The following SPATA9 variants were observed in gnomAD, a reference collection of about 807,000 sequenced individuals.
SPATA9 encodes spermatogenesis associated 9, also known as spermatogenesis-associated protein 9.
A neutral mutation model predicts 25.5 loss-of-function variants in SPATA9; 27 were observed. That is an observed-to-expected ratio of 1.06 (90% CI 0.78 to 1.46). SPATA9 has a LOEUF of 1.46. SPATA9 is among the 40% of genes most tolerant of loss of function. The pLI, the probability that SPATA9 is intolerant of heterozygous loss-of-function variation, is 0.00. For synonymous variants in SPATA9, 102 were observed against 105.7 expected (o/e 0.97, Z 0.21); for missense variants, 282 against 297.5 (o/e 0.95, Z 0.38).
At chr5:95,730,879 G>A in the SPATA9 span, 3 of 455,872 alleles carry the variant, frequency 6.6e-6, no homozygotes, top group Non-Finnish European at 1.3e-5. Flanking sequence ...GTTGACAAAT[G>A]AGAAAGCGGC....
At position 95,664,059 on chromosome 5, in the gene SPATA9, A is replaced by C. The variant is rs1196365278; in HGVS notation, c.379-11T>G. 2.0e-6 allele frequency: 3 copies of C among 1,500,822 alleles called. No individual in the cohort carries two copies. Among genetic ancestry groups the C allele is most frequent in the Non-Finnish European group, 2.7e-6 (3 of 1,110,240 alleles). 93.0% of individuals were successfully genotyped at this position (1,500,822 alleles called of 1,614,324 possible). A position where few individuals can be genotyped will look rare whatever the true frequency, so the allele number is the denominator to read the frequency against. On this transcript the variant is annotated splice_polypyrimidine_tract_variant and intron_variant, in intron 3 of 4. Transcript: ENST00000274432. Reference sequence around the variant, plus strand: ...AGAACCCTTTCTGACCTGCAAAAACAGAAAAGATTTTCTTAATAAACAAAC... The same window carrying C: ...AGAACCCTTTCTGACCTGCAAAAACCGAAAAGATTTTCTTAATAAACAAAC...
chr5:95,696,021 C>T (rs1019992968), intron 1 of SPATA9, among the ~76,000 whole-genome samples: 1 of 152,228 alleles, frequency 6.6e-6, no homozygotes, highest in Non-Finnish European at 1.5e-5. Flanking sequence ...GAACCAATGT[C>T]TCTGGCCAAC....
intron 1 of SPATA9, among the ~76,000 whole-genome samples, chr5:95,698,068 A>G (rs1754081124): frequency 6.6e-6 from 1 of 152,210 alleles, no homozygotes; most frequent in South Asian, 2.1e-4. Context: ...TAACATATGT[A>G]CTCAAGCTTC....
upstream of SPATA9, among the ~76,000 whole-genome samples, chr5:95,687,029 A>G (rs1433450446): frequency 6.6e-6 from 1 of 152,234 alleles, no homozygotes; most frequent in Non-Finnish European, 1.5e-5. Flanking sequence ...AAGTGTTGCT[A>G]CATCAGTAGT....
chr5:95,654,317 T>G, downstream of SPATA9: 1 of 1,609,304 alleles, frequency 6.2e-7, no homozygotes, highest in Non-Finnish European at 8.5e-7. Context: ...GCAGGTAATA[T>G]TCAATTCCTT....
intron 2 of SPATA9, among the ~76,000 whole-genome samples, chr5:95,676,530 A>G (rs1290457747): frequency 1.3e-5 from 2 of 152,082 alleles, no homozygotes; most frequent in African/African-American, 4.8e-5. Context: ...GTCATAGGCA[A>G]TTATAATGCT....
downstream of SPATA9, chr5:95,652,669 C>T (rs951288475): frequency 1.6e-5 from 4 of 251,148 alleles, no homozygotes; most frequent in Admixed American, 1.0e-4. Flanking sequence ...TAAAATAATA[C>T]CTTTTTAGTA....
the SPATA9 span, among the ~76,000 whole-genome samples, chr5:95,721,693 T>TAAAAAA: frequency 7.6e-6 from 1 of 132,202 alleles, no homozygotes; most frequent in Non-Finnish European, 1.6e-5. Flanking sequence ...CTGAGAGCAT[T>TAAAAAA]AAAAAAAAAA....
chr5:95,652,837 T>C, downstream of SPATA9: 3 of 382,766 alleles, frequency 7.8e-6, no homozygotes, highest in East Asian at 4.9e-5. Flanking sequence ...ACCTTTTTCA[T>C]GGACCCCTAG....
At chr5:95,691,510 A>G (rs1241441102) in intron 1 of SPATA9, among the ~76,000 whole-genome samples, 3 of 152,124 alleles carry the variant, frequency 2.0e-5, no homozygotes, top group Non-Finnish European at 4.4e-5. Context: ...GCTTAATAGT[A>G]TGTTTTACGT....
chr5:95,727,380 G>A, the SPATA9 span, among the ~76,000 whole-genome samples: 147 of 152,222 alleles, frequency 9.7e-4, no homozygotes, highest in Middle Eastern at 0.01. Context: ...GAACCAACAC[G>A]TTTTTCAAAA....
At chr5:95,690,411 T>C (rs576279296) in intron 1 of SPATA9, among the ~76,000 whole-genome samples, 1 of 152,176 alleles carries the variant, frequency 6.6e-6, no homozygotes, top group East Asian at 1.9e-4. Flanking sequence ...AAATATGTGA[T>C]ACCAAGTCTG....
the SPATA9 span, chr5:95,731,529 C>A: frequency 5.9e-6 from 8 of 1,349,832 alleles, no homozygotes; most frequent in Non-Finnish European, 7.6e-6. Context: ...CGGCCCCGGC[C>A]CCGCTCTGCG....
At chr5:95,731,043 G>C in the SPATA9 span, 3 of 1,017,042 alleles carry the variant, frequency 2.9e-6, no homozygotes, top group East Asian at 2.0e-4. Context: ...TCCTGGCTCT[G>C]GTTACGGCCT....
intron 2 of SPATA9, among the ~76,000 whole-genome samples, chr5:95,680,231 G>A (rs1753326549): frequency 6.6e-6 from 1 of 152,118 alleles, no homozygotes; most frequent in Non-Finnish European, 1.5e-5. Context: ...TATAGGCTCA[G>A]TAATTTGAAT....
At chr5:95,654,048 T>C (rs946474522), downstream of SPATA9, 2 of 1,602,266 alleles carry the variant, frequency 1.2e-6, no homozygotes, top group East Asian at 2.2e-5. Flanking sequence ...TTTCCTTCTT[T>C]ATGTTCAACT....
downstream of SPATA9, chr5:95,654,110 T>C: frequency 6.2e-7 from 1 of 1,612,042 alleles, no homozygotes; most frequent in East Asian, 2.2e-5. Flanking sequence ...GGAATATTCT[T>C]CTGTGTGTGT....
At chr5:95,668,797 T>G (rs1752071454) in intron 3 of SPATA9, among the ~76,000 whole-genome samples, 1 of 152,208 alleles carries the variant, frequency 6.6e-6, no homozygotes. Flanking sequence ...TGTGTTCATC[T>G]TATTTTCACT....
chr5:95,659,936 T>C (rs1487239516), intron 4 of SPATA9, among the ~76,000 whole-genome samples: 1 of 152,194 alleles, frequency 6.6e-6, no homozygotes, highest in African/African-American at 2.4e-5. Flanking sequence ...TCCCTCTACC[T>C]ATCTCCCTCT....
Sources: allele counts gnomAD v4.1 joint callset (sites outside exome capture counted in the v4.1 genomes callset), GRCh38; gene constraint gnomAD v4.1.1; transcripts MANE v1.5; gene names NCBI Gene and HGNC (gene_info 2026-07-23, HGNC 2026-07-21).